The following OPCML variants were observed in gnomAD, a reference collection of about 807,000 sequenced individuals.
OPCML encodes opioid-binding protein/cell adhesion molecule.
OPCML carries 13 observed loss-of-function variants against 37.8 expected under a neutral mutation model. The ratio of observed to expected loss-of-function variants is 0.34; its 90% CI spans 0.22 to 0.55. The LOEUF (loss-of-function observed/expected upper bound fraction) is 0.55. Among genes scored for constraint, OPCML ranks in the 20% least tolerant of loss-of-function variants. The probability of loss-of-function intolerance (pLI) is 0.91; values close to 1 mark genes in which losing one functional copy is unlikely to be tolerated. For missense variants in OPCML, 341 were observed against 435.6 expected, an observed-to-expected ratio of 0.78 and a Z score of 1.93; for synonymous variants, 176 against 168.8, an observed-to-expected ratio of 1.04 and a Z score of -0.33.
intron 1 of OPCML, among the ~76,000 whole-genome samples, chr11:133,254,481 A>G (rs1050813707): frequency 6.6e-6 from 1 of 152,116 alleles, no homozygotes; most frequent in African/African-American, 2.4e-5. Flanking sequence ...TGCTTCTTCA[A>G]CCCGGGAAGG....
chr11:132,969,458 T>C (rs1174146281), intron 1 of OPCML, among the ~76,000 whole-genome samples: 1 of 152,184 alleles, frequency 6.6e-6, no homozygotes, highest in Non-Finnish European at 1.5e-5. Flanking sequence ...GATGTGTAGG[T>C]CAATTTTTCT....
intron 1 of OPCML, among the ~76,000 whole-genome samples, chr11:133,398,996 G>C (rs117540379): frequency 1.5e-3 from 232 of 152,266 alleles, no homozygotes; most frequent in Non-Finnish European, 2.5e-3. Flanking sequence ...TGGGGACAGG[G>C]ATATACCTGG....
chr11:132,720,646 A>T (rs1591514611), intron 2 of OPCML, among the ~76,000 whole-genome samples: 1 of 152,200 alleles, frequency 6.6e-6, no homozygotes, highest in Admixed American at 6.5e-5. Context: ...TTTATTCTGG[A>T]TGGAATTATG....
intron 1 of OPCML, among the ~76,000 whole-genome samples, chr11:133,443,353 G>A (rs1482840043): frequency 6.6e-6 from 1 of 152,180 alleles, no homozygotes; most frequent in Non-Finnish European, 1.5e-5. Flanking sequence ...ATCTGCTGGC[G>A]ATTCAGCCTG....
intron 1 of OPCML, among the ~76,000 whole-genome samples, chr11:132,948,059 T>C (rs1042226730): frequency 6.6e-6 from 1 of 152,220 alleles, no homozygotes; most frequent in African/African-American, 2.4e-5. Flanking sequence ...TTGTCATCTC[T>C]CTAGCTGCCT....
intron 3 of OPCML, among the ~76,000 whole-genome samples, chr11:132,569,291 A>G (rs2096431784): frequency 1.3e-5 from 2 of 152,344 alleles, no homozygotes; most frequent in Non-Finnish European, 2.9e-5. Context: ...ACAGATATCC[A>G]TGAGGCGCAG....
chr11:133,377,344 C>G (rs1944827936), intron 1 of OPCML, among the ~76,000 whole-genome samples: 1 of 152,068 alleles, frequency 6.6e-6, no homozygotes. Context: ...CATGCTTTGC[C>G]CTGCTGTTCT....
chr11:132,482,508 C>T (rs904576910), intron 4 of OPCML, among the ~76,000 whole-genome samples: 83 of 152,280 alleles, frequency 5.5e-4, no homozygotes, highest in Admixed American at 2.0e-3. Context: ...GGAACTGGTA[C>T]CATTCCTTCT....
At chr11:132,958,984 T>C (rs1324723971) in intron 1 of OPCML, among the ~76,000 whole-genome samples, 2 of 152,246 alleles carry the variant, frequency 1.3e-5, no homozygotes, top group African/African-American at 4.8e-5. Flanking sequence ...AATTTTATTA[T>C]TCAAGAGATA....
intron 3 of OPCML, among the ~76,000 whole-genome samples, chr11:132,573,615 C>T (rs1280823055): frequency 1.3e-5 from 2 of 151,996 alleles, no homozygotes; most frequent in East Asian, 1.9e-4. Context: ...TTTGAATATG[C>T]TGTCCAATTT....
chr11:132,762,948 C>T (rs1437910311), intron 2 of OPCML, among the ~76,000 whole-genome samples: 1 of 152,114 alleles, frequency 6.6e-6, no homozygotes, highest in African/African-American at 2.4e-5. Flanking sequence ...GTGGTGTAGG[C>T]ACCTGAAAGA....
intron 1 of OPCML, among the ~76,000 whole-genome samples, chr11:133,267,659 C>T (rs1038606926): frequency 6.6e-6 from 1 of 152,110 alleles, no homozygotes; most frequent in Non-Finnish European, 1.5e-5. Context: ...TGTGTCCCTA[C>T]CCAAATCTCA....
At position 132,436,677 on chromosome 11, in the gene OPCML, C is replaced by T. The variant is rs1298596713; in HGVS notation, c.746G>A (p.Trp249Ter). Reference protein sequence around the residue: ...ASAVPMAEFQWFKEETRLATG... With the variant: ...ASAVPMAEFQ ...AAGGTACCTGGTTTCTTCCTTGAAC[C>T]ACTGGAATTCAGCCATGGGGACTGC... Residue 249 changes from tryptophan (W) to a stop codon, truncating the protein, a stop_gained, in exon 6 of 8, where the codon TGG (tryptophan) becomes TAG (stop). Coordinates refer to ENST00000524381, the MANE Select transcript of OPCML (RefSeq NM_001012393.5). LOFTEE classifies it high-confidence loss of function. 1 of 1,614,164 alleles carries T rather than the reference C, an allele frequency of 6.2e-7. No homozygotes were observed. Among genetic ancestry groups the T allele is most frequent in the Non-Finnish European group, 8.5e-7 (1 of 1,180,036 alleles).
chr11:133,178,243 G>A (rs1414052400), intron 1 of OPCML, among the ~76,000 whole-genome samples: 1 of 152,048 alleles, frequency 6.6e-6, no homozygotes, highest in Non-Finnish European at 1.5e-5. Flanking sequence ...TGGAAGCACG[G>A]CCTCTCTGCT....
intron 2 of OPCML, among the ~76,000 whole-genome samples, chr11:132,730,402 G>T (rs1047174101): frequency 6.6e-6 from 1 of 152,040 alleles, no homozygotes; most frequent in African/African-American, 2.4e-5. Flanking sequence ...AGGCATAATT[G>T]GCTAAAATAA....
intron 1 of OPCML, among the ~76,000 whole-genome samples, chr11:133,491,798 C>G: frequency 6.6e-6 from 1 of 152,036 alleles, no homozygotes; most frequent in Non-Finnish European, 1.5e-5. Context: ...ATTTACCATT[C>G]AGTTAGCAGA....
chr11:133,460,640 C>G (rs150780606), intron 1 of OPCML, among the ~76,000 whole-genome samples: 8 of 151,550 alleles, frequency 5.3e-5, no homozygotes, highest in Non-Finnish European at 7.4e-5. Context: ...GACTGAATCA[C>G]GAAGAAATAA....
intron 1 of OPCML, among the ~76,000 whole-genome samples, chr11:133,115,880 T>C (rs1565455296): frequency 6.6e-6 from 1 of 152,142 alleles, no homozygotes; most frequent in Non-Finnish European, 1.5e-5. Context: ...GAATAAATTA[T>C]AAATCATTGA....
chr11:133,285,675 C>T (rs1294010339), intron 1 of OPCML, among the ~76,000 whole-genome samples: 2 of 152,128 alleles, frequency 1.3e-5, no homozygotes, highest in Non-Finnish European at 2.9e-5. Context: ...CTTTGTTTAC[C>T]TACATATTTT....
Sources: gnomAD v4.1 joint callset for allele counts (sites outside exome capture counted in the v4.1 genomes callset) on GRCh38, gnomAD v4.1.1 for gene constraint, MANE v1.5 for transcripts, NCBI Gene and HGNC (gene_info 2026-07-23, HGNC 2026-07-21) for gene names.